Variants in ADGRF5 observed in about 807,000 individuals in gnomAD.
ADGRF5 encodes the protein adhesion G protein-coupled receptor F5, also known as G-protein coupled receptor 116.
Under a neutral mutation model 132.3 loss-of-function variants are expected in ADGRF5, and 75 were observed. The ratio of observed to expected loss-of-function variants is 0.57; its 90% CI spans 0.47 to 0.69. The LOEUF (loss-of-function observed/expected upper bound fraction) is 0.69, where lower values mean the gene tolerates loss of function less well. Ranked by LOEUF, ADGRF5 falls within the 30% of genes least tolerant of loss-of-function variation. The pLI is 0.00. For synonymous variants in ADGRF5, 629 were observed against 597.6 expected, an observed-to-expected ratio of 1.05 and a Z score of -0.77; for missense variants, 1,516 against 1,630.6, an observed-to-expected ratio of 0.93 and a Z score of 1.21.
At chr6:46,864,905 A>C (rs615677) in intron 14 of ADGRF5, 137 bp downstream of exon 14, 542,210 of 602,724 alleles carry the variant, frequency 0.9, 247,282 homozygotes, top group East Asian at 0.99. Flanking sequence ...TTTAAATACC[A>C]CTATGGTGAG....
chr6:46,857,232 G>C (rs1179194303), intron 17 of ADGRF5, among the ~76,000 whole-genome samples: 7 of 152,172 alleles, frequency 4.6e-5, no homozygotes, highest in Admixed American at 4.6e-4. Flanking sequence ...CTGGGCTATG[G>C]GGTGGGATAA....
chr6:46,879,815 T>C lies in ADGRF5; in HGVS notation c.1036+3A>G. ...TCACACAAGTTACTGAATGGAGACC[T>C]ACCTGCATCACCTGGAGTGATGTTG... is the stretch of plus-strand genomic sequence containing the variant. On this transcript the variant is annotated splice_donor_region_variant and intron_variant, in intron 9 of 20. Transcript: ENST00000283296. The C allele has an allele frequency of 6.3e-7, 1 of 1,592,852 alleles. No individual in the cohort carries two copies.
At chr6:46,857,000 T>G (rs1351501133) in intron 17 of ADGRF5, 92 bp from the exon 18 acceptor site, 24 of 963,330 alleles carry the variant, frequency 2.5e-5, no homozygotes, top group Non-Finnish European at 3.9e-5. Context: ...GTTAAATTTG[T>G]ACTACTTCTT....
Position 46,856,734 on chromosome 6 carries a change from G to C in ADGRF5, c.3860C>G (p.Ser1287Cys), listed in dbSNP as rs1352889574. The change falls in exon 19 of 21, where the codon TCT becomes TGT. Residue 1287 changes from serine to cysteine, a missense_variant. Transcript: ENST00000283296. ...LLNKFSLSRWSSQHSKSTSLG... is the reference protein window; with the variant it reads ...LLNKFSLSRWCSQHSKSTSLG... ...AAAGTTTACCTTTGAGTGCTGTGAAGACCATCTCGACAATGAAAACTTATT... is the reference window on the plus strand; with the variant it reads ...AAAGTTTACCTTTGAGTGCTGTGAACACCATCTCGACAATGAAAACTTATT... 6.6e-7 allele frequency: 1 copy of C among 1,512,054 alleles called. No homozygotes were observed. Among genetic ancestry groups the C allele is most frequent in the Admixed American group, 1.7e-5 (1 of 59,806 alleles). The allele number at this position is 1,512,054 out of a possible 1,614,324, so 93.7% of individuals were successfully genotyped here. A position where few individuals can be genotyped will look rare whatever the true frequency, so the allele number is the denominator to read the frequency against.
At position 46,853,874 on chromosome 6, in the gene ADGRF5, T is replaced by C. The variant is rs529600491; in HGVS notation, c.*118A>G. Reference sequence around the variant, plus strand: ...CCTCTTCTCTATGAAAAAGTCTTTTTGGCATCTGCTCCCGGAAACCTGCCC... The same window carrying C: ...CCTCTTCTCTATGAAAAAGTCTTTTCGGCATCTGCTCCCGGAAACCTGCCC... On this transcript the variant is annotated 3_prime_UTR_variant, in exon 21 of 21. Coordinates refer to ENST00000283296, the MANE Select transcript of ADGRF5 (RefSeq NM_001098518.2). 31 of 673,272 alleles carry C rather than the reference T, an allele frequency of 4.6e-5. No homozygotes were observed. The highest frequency in any genetic ancestry group is 8.1e-5 in the Non-Finnish European group (31 of 381,238). 41.7% of individuals were successfully genotyped at this position (673,272 alleles called of 1,614,324 possible).
intron 12 of ADGRF5, among the ~76,000 whole-genome samples, chr6:46,867,622 T>G (rs1770594212): frequency 1.3e-5 from 2 of 152,098 alleles, no homozygotes; most frequent in South Asian, 4.1e-4. Flanking sequence ...AAGTCATCAT[T>G]TGGGCAGCTG....
chr6:46,885,379 A>C (rs758073593), intron 4 of ADGRF5, among the ~76,000 whole-genome samples: 4 of 152,162 alleles, frequency 2.6e-5, no homozygotes, highest in Non-Finnish European at 4.4e-5. Context: ...TGACCCTCAA[A>C]AACTGAGTCT....
In ADGRF5 at chr6:46,954,577, A is replaced by C. The variant is rs1229732188; in HGVS notation, c.-25+157T>G. Reference sequence around the variant, plus strand: ...TCCATATGTCATATCCCATCTCACTATTTGCCCCTCACAGTCTTGTAAATC... The same window carrying C: ...TCCATATGTCATATCCCATCTCACTCTTTGCCCCTCACAGTCTTGTAAATC... On this transcript the variant is annotated intron_variant, in intron 1 of 20. Coordinates refer to the ADGRF5 transcript ENST00000265417. 2.0e-5 allele frequency among the ~76,000 whole-genome samples: 3 copies of C among 152,116 alleles called. No individual in the cohort carries two copies. The East Asian group carries it at 5.8e-4, about 29-fold the overall frequency.
At chr6:46,917,245 C>T (rs953861525) in intron 1 of ADGRF5, among the ~76,000 whole-genome samples, 1 of 152,220 alleles carries the variant, frequency 6.6e-6, no homozygotes. Flanking sequence ...AGTCTGAACT[C>T]TGACCTTTAT....
chr6:46,865,569 T>C (rs947292338), intron 13 of ADGRF5, among the ~76,000 whole-genome samples: 5 of 152,254 alleles, frequency 3.3e-5, no homozygotes, highest in Non-Finnish European at 5.9e-5. Context: ...TACTAGACCA[T>C]ACGCTCCTGG....
intron 1 of ADGRF5, among the ~76,000 whole-genome samples, chr6:46,921,367 G>A (rs1024580866): frequency 3.3e-5 from 5 of 152,108 alleles, no homozygotes; most frequent in African/African-American, 1.2e-4. Context: ...CAGCTCAGTA[G>A]CTCATGAATG....
intron 6 of ADGRF5, 119 bp from the exon 7 acceptor site, chr6:46,882,226 T>TTA: frequency 1.3e-6 from 1 of 772,976 alleles, no homozygotes; most frequent in Non-Finnish European, 2.3e-6. Context: ...TTATCTTCTG[T>TTA]CTATTTTGTT....
intron 5 of ADGRF5, 118 bp from the exon 6 acceptor site, chr6:46,883,783 C>T (rs1772751901): frequency 3.2e-6 from 2 of 633,922 alleles, no homozygotes; most frequent in Non-Finnish European, 2.7e-6. Context: ...CCTCTGTCTC[C>T]CAGGCTGGAG....
intron 15 of ADGRF5, among the ~76,000 whole-genome samples, chr6:46,862,400 C>T (rs894845157): frequency 2.0e-5 from 3 of 152,126 alleles, no homozygotes; most frequent in African/African-American, 7.2e-5. Flanking sequence ...AGGGTAGTTG[C>T]TTCTTCAAAA....
chr6:46,931,901 C>G (rs990477041), intron 1 of ADGRF5, among the ~76,000 whole-genome samples: 17 of 152,050 alleles, frequency 1.1e-4, no homozygotes, highest in Non-Finnish European at 1.9e-4. Context: ...GCCTGGGTGA[C>G]AAAGTAAGAC....
intron 11 of ADGRF5, chr6:46,869,488 A>C: frequency 4.4e-6 from 2 of 454,402 alleles, no homozygotes; most frequent in Non-Finnish European, 5.8e-6. Flanking sequence ...TAACAATCTC[A>C]ATCTCTACTC....
chr6:46,909,671 A>T (rs759168627), intron 1 of ADGRF5, among the ~76,000 whole-genome samples: 3 of 152,126 alleles, frequency 2.0e-5, no homozygotes, highest in Non-Finnish European at 2.9e-5. Flanking sequence ...TGTTCTTACA[A>T]CCCTTAGAAA....
chr6:46,911,006 T>A (rs1775891302), intron 1 of ADGRF5, among the ~76,000 whole-genome samples: 1 of 152,186 alleles, frequency 6.6e-6, no homozygotes, highest in South Asian at 2.1e-4. Flanking sequence ...CTGAGAATAA[T>A]CATAACTATC....
chr6:46,902,128 C>T (rs1253475447), intron 2 of ADGRF5, among the ~76,000 whole-genome samples: 2 of 152,220 alleles, frequency 1.3e-5, no homozygotes, highest in African/African-American at 4.8e-5. Flanking sequence ...TATGCAGGAA[C>T]TGAAGGTGCA....
Sources: gnomAD v4.1 joint callset for allele counts (sites outside exome capture counted in the v4.1 genomes callset) on GRCh38, gnomAD v4.1.1 for gene constraint, MANE v1.5 for transcripts, NCBI Gene and HGNC (gene_info 2026-07-23, HGNC 2026-07-21) for gene names.